SMYD3: variants seen among roughly 807,000 people sequenced by gnomAD.
SMYD3 encodes the protein SET and MYND domain containing 3.
SMYD3 carries 36 observed loss-of-function variants against 57.7 expected under a neutral mutation model. That is an observed-to-expected ratio of 0.62 (90% CI 0.48 to 0.82). SMYD3 has a LOEUF of 0.82. Ranked by LOEUF, SMYD3 falls within the 40% of genes least tolerant of loss-of-function variation. SMYD3 has a pLI of 0.00. For missense variants in SMYD3, 515 were observed against 538.8 expected (o/e 0.96, Z 0.44); for synonymous variants, 211 against 195.0 (o/e 1.08, Z -0.68).
At chr1:245,758,871 G>C (rs566444854) in intron 11 of SMYD3, among the ~76,000 whole-genome samples, 1 of 152,164 alleles carries the variant, frequency 6.6e-6, no homozygotes, top group African/African-American at 2.4e-5. Flanking sequence ...GGCATAGTGA[G>C]TGATTTTTAA....
chr1:246,286,048 A>T (rs995250617), intron 5 of SMYD3, among the ~76,000 whole-genome samples: 3 of 152,182 alleles, frequency 2.0e-5, no homozygotes, highest in African/African-American at 7.2e-5. Context: ...GTGGGAATGT[A>T]AACCAGTACA....
intron 5 of SMYD3, among the ~76,000 whole-genome samples, chr1:246,057,919 C>CTAA (rs1409643110): frequency 6.6e-6 from 1 of 152,022 alleles, no homozygotes; most frequent in Non-Finnish European, 1.5e-5. Context: ...TTATTTAGCA[C>CTAA]TAAAAGTAAG....
chr1:246,194,416 G>A (rs1007886017), intron 5 of SMYD3, among the ~76,000 whole-genome samples: 3 of 152,032 alleles, frequency 2.0e-5, no homozygotes, highest in African/African-American at 7.2e-5. Flanking sequence ...CTACGGGCAT[G>A]TGCCATCATG....
At chr1:245,859,528 G>A (rs1285659622) in intron 9 of SMYD3, among the ~76,000 whole-genome samples, 1 of 152,210 alleles carries the variant, frequency 6.6e-6, no homozygotes, top group Non-Finnish European at 1.5e-5. Context: ...AGAGGACTGA[G>A]GACATGGTTT....
chr1:245,966,368 T>TA (rs2148009017), intron 5 of SMYD3, among the ~76,000 whole-genome samples: 1 of 152,188 alleles, frequency 6.6e-6, no homozygotes, highest in East Asian at 1.9e-4. Flanking sequence ...GAGGTCTCAT[T>TA]ATGTTTCCCA....
At chr1:246,030,350 T>C (rs982658229) in intron 5 of SMYD3, among the ~76,000 whole-genome samples, 3 of 152,158 alleles carry the variant, frequency 2.0e-5, no homozygotes, top group Non-Finnish European at 4.4e-5. Flanking sequence ...CTGGCTCTTA[T>C]GTGGGAGCAA....
chr1:246,409,926 C>T (rs1488213880), intron 1 of SMYD3, among the ~76,000 whole-genome samples: 11 of 152,190 alleles, frequency 7.2e-5, no homozygotes, highest in Non-Finnish European at 1.5e-4. Context: ...GTATTTTATT[C>T]TCTTTGAAGC....
At chr1:245,995,305 AC>A (rs1312431600) in intron 5 of SMYD3, among the ~76,000 whole-genome samples, 2 of 152,226 alleles carry the variant, frequency 1.3e-5, no homozygotes, top group Non-Finnish European at 2.9e-5. Flanking sequence ...AGTAGAAACA[AC>A]TAGGTCCAAA....
At chr1:246,190,584 CAAAAAAA>C (rs11302731) in intron 5 of SMYD3, among the ~76,000 whole-genome samples, 6 of 63,006 alleles carry the variant, frequency 9.5e-5, no homozygotes, top group South Asian at 6.2e-4. Context: ...GACTCTGTCT[CAAAAAAA>C]AAAAAAAAAA....
At chr1:246,342,978 G>A (rs904633649) in intron 2 of SMYD3, among the ~76,000 whole-genome samples, 43 of 152,092 alleles carry the variant, frequency 2.8e-4, no homozygotes, top group African/African-American at 9.7e-4. Context: ...ATTCATGTAC[G>A]TTCTAATTCG....
chr1:246,337,501 G>C (rs2065562892), intron 2 of SMYD3, among the ~76,000 whole-genome samples: 2 of 152,118 alleles, frequency 1.3e-5, no homozygotes, highest in Non-Finnish European at 1.5e-5. Context: ...GTTTTTTACT[G>C]ATAGAAGGGA....
intron 3 of SMYD3, among the ~76,000 whole-genome samples, chr1:246,331,475 C>T (rs184268923): frequency 7.0e-4 from 107 of 152,294 alleles, no homozygotes; most frequent in Admixed American, 3.1e-3. Flanking sequence ...GAGATAGAAC[C>T]TCCTCCATCT....
At chr1:246,269,556 G>GTTTTTTT (rs2064179641) in intron 5 of SMYD3, among the ~76,000 whole-genome samples, 3 of 107,470 alleles carry the variant, frequency 2.8e-5, no homozygotes, top group Non-Finnish European at 3.9e-5. Flanking sequence ...TTTTTTTTTT[G>GTTTTTTT]TTTTTGTTGT....
At chr1:246,058,858 A>C (rs10924472) in intron 5 of SMYD3, among the ~76,000 whole-genome samples, 37,168 of 151,286 alleles carry the variant, frequency 0.25, 5,128 homozygotes, top group East Asian at 0.39. Flanking sequence ...AAAGGTGCCC[A>C]TTTACCTACT....
rs549469441 is a variant in SMYD3 at position 245,938,080 on chromosome 1, G to A, written c.532-8143C>T. On this transcript the variant is annotated intron_variant, in intron 5 of 11. Coordinates refer to ENST00000490107, the MANE Select transcript of SMYD3 (RefSeq NM_001167740.2). ...AATCCCCAAATGAAAGATACAGTGC[G>A]TGCTGAGGTTCCTTTCACTATGTAG... 7.9e-5 allele frequency among the ~76,000 whole-genome samples: 12 copies of A among 152,310 alleles called. No homozygotes were observed. In the South Asian group the frequency reaches 1.0e-3, roughly 13 times the overall value.
Position 246,195,632 on chromosome 1 carries a change from C to CAG in SMYD3, c.531+131568_531+131569insCT, listed in dbSNP as rs564274294. 2.6e-5 allele frequency among the ~76,000 whole-genome samples: 4 copies of CAG among 152,268 alleles called. No homozygotes were observed. In the East Asian group the frequency reaches 7.7e-4, roughly 29 times the overall value. On this transcript the variant is annotated intron_variant, in intron 5 of 11. Transcript: ENST00000490107. ...ACGCGCGCACACACACACACACACA[C>CAG]GCACTGAAAGAATATTATAACCATT... is the stretch of plus-strand genomic sequence containing the variant.
intron 5 of SMYD3, among the ~76,000 whole-genome samples, chr1:246,046,291 A>G (rs529067012): frequency 0.012 from 1,881 of 152,326 alleles, 37 homozygotes; most frequent in African/African-American, 0.043. Flanking sequence ...AATACTATGC[A>G]GCCATAAAAA....
At chr1:246,404,813 T>C (rs1251688845) in intron 1 of SMYD3, among the ~76,000 whole-genome samples, 1 of 152,220 alleles carries the variant, frequency 6.6e-6, no homozygotes, top group Non-Finnish European at 1.5e-5. Flanking sequence ...GACTACTGGC[T>C]GATTACCATA....
chr1:246,366,625 C>T (rs1268926632), intron 1 of SMYD3, among the ~76,000 whole-genome samples: 1 of 151,008 alleles, frequency 6.6e-6, no homozygotes, highest in Admixed American at 6.6e-5. Context: ...CTCAGTGACA[C>T]GCTTGGGGAG....
Sources: allele counts gnomAD v4.1 joint callset (sites outside exome capture counted in the v4.1 genomes callset), GRCh38; gene constraint gnomAD v4.1.1; transcripts MANE v1.5; gene names NCBI Gene and HGNC (gene_info 2026-07-23, HGNC 2026-07-21).